TBC1D31: variants seen among roughly 807,000 people sequenced by gnomAD.
TBC1D31 encodes the protein TBC1 domain family member 31.
A neutral mutation model predicts 132.9 loss-of-function variants in TBC1D31; 99 were observed. That is an observed-to-expected ratio of 0.74 (90% confidence interval 0.63 to 0.88). TBC1D31 has a LOEUF of 0.88. TBC1D31 is among the 40% of genes least tolerant of loss of function. The pLI, the probability that TBC1D31 is intolerant of heterozygous loss-of-function variation, is 0.00. For synonymous variants in TBC1D31, 385 were observed against 419.4 expected (o/e 0.92, Z 1.00); for missense variants, 1,134 against 1,256.6 (o/e 0.90, Z 1.48).
chr8:123,077,995 C>T (rs1277150684), intron 2 of TBC1D31, among the ~76,000 whole-genome samples: 2 of 151,846 alleles, frequency 1.3e-5, no homozygotes, highest in African/African-American at 4.8e-5. Flanking sequence ...TTTCAGTGAG[C>T]CGAGATCGTG....
intron 1 of TBC1D31, among the ~76,000 whole-genome samples, chr8:123,076,732 G>C (rs1814553598): frequency 6.6e-6 from 1 of 152,140 alleles, no homozygotes; most frequent in Non-Finnish European, 1.5e-5. Flanking sequence ...CTCATACCCT[G>C]TTGTTATCAC....
intron 6 of TBC1D31, among the ~76,000 whole-genome samples, 161 bp from the exon 7 acceptor site, chr8:123,100,646 A>G (rs1352543431): frequency 6.6e-6 from 1 of 151,954 alleles, no homozygotes; most frequent in Admixed American, 6.6e-5. Context: ...AATTTCCTCT[A>G]GGTGTCCCTC....
chr8:123,144,705 A>G lies in TBC1D31; in HGVS notation c.2836-12A>G. The G allele has an allele frequency of 6.3e-7, 1 of 1,592,840 alleles. No homozygotes were observed. Among genetic ancestry groups the G allele is most frequent in the Non-Finnish European group, 8.5e-7 (1 of 1,174,294 alleles). The stretch of plus-strand genomic sequence containing the variant: ...TTTTATGTAATCTTTTTTTCCATTT[A>G]TTTGAATTTAGTGGAAGGAAGCTGA... On this transcript the variant is annotated splice_polypyrimidine_tract_variant and intron_variant, in intron 19 of 21. Coordinates refer to ENST00000287380, the MANE Select transcript of TBC1D31 (RefSeq NM_145647.4).
Position 123,140,790 on chromosome 8 carries a change from A to G in TBC1D31, c.2529A>G (p.Ala843=), listed in dbSNP as rs1349804649. ...KNLTENQEAL[A]KEMRADADAY... ...TTACTGAAAATCAAGAAGCTCTTGC[A>G]AAAGAAATGCGAGCAGATGCAGATG... is the stretch of plus-strand genomic sequence containing the variant. The change falls in exon 18 of 22, where the codon GCA becomes GCG. Residue 843 remains alanine, a synonymous_variant. Coordinates refer to ENST00000287380, the MANE Select transcript of TBC1D31 (RefSeq NM_145647.4). 3.1e-6 allele frequency: 5 copies of G among 1,607,156 alleles called. No individual in the cohort carries two copies. Among genetic ancestry groups the G allele is most frequent in the Non-Finnish European group, 4.2e-6 (5 of 1,178,442 alleles).
intron 5 of TBC1D31, among the ~76,000 whole-genome samples, chr8:123,094,777 G>T (rs62521771): frequency 0.12 from 18,521 of 152,034 alleles, 1,276 homozygotes; most frequent in African/African-American, 0.14. Context: ...CTGACCTCTG[G>T]TGATCCGCCT....
chr8:123,078,797 T>C (rs1463972856), intron 2 of TBC1D31, among the ~76,000 whole-genome samples: 1 of 152,116 alleles, frequency 6.6e-6, no homozygotes, highest in East Asian at 1.9e-4. Context: ...TTGTAACCAG[T>C]ATACAAACAG....
chr8:123,124,656 AGC>A (rs1456003503), intron 11 of TBC1D31, among the ~76,000 whole-genome samples: 3 of 152,002 alleles, frequency 2.0e-5, no homozygotes, highest in Non-Finnish European at 4.4e-5. Flanking sequence ...GGCTGGGCGC[AGC>A]GGCTCACACC....
At chr8:123,141,812 CTTGG>C (rs1189358903) in intron 18 of TBC1D31, among the ~76,000 whole-genome samples, 8 of 120,966 alleles carry the variant, frequency 6.6e-5, no homozygotes, top group African/African-American at 2.1e-4. Context: ...AGTTCTTAAC[CTTGG>C]CTGTAAATTA....
intron 10 of TBC1D31, among the ~76,000 whole-genome samples, chr8:123,111,053 A>G (rs1050825030): frequency 6.6e-6 from 1 of 151,834 alleles, no homozygotes; most frequent in Non-Finnish European, 1.5e-5. Flanking sequence ...ATTTACTATA[A>G]ACTGGCAGTT....
chr8:123,113,918 T>C (rs1280522334), intron 10 of TBC1D31, among the ~76,000 whole-genome samples: 2 of 152,368 alleles, frequency 1.3e-5, no homozygotes, highest in East Asian at 1.9e-4. Context: ...GCCTTTTTTT[T>C]CTGCTACAAA....
chr8:123,158,488 T>C, the TBC1D31 span, among the ~76,000 whole-genome samples: 3 of 151,344 alleles, frequency 2.0e-5, no homozygotes, highest in Non-Finnish European at 4.4e-5. Flanking sequence ...AAAGGACGAG[T>C]GATGGACAGA....
chr8:123,134,447 A>G (rs1563745251), intron 17 of TBC1D31, among the ~76,000 whole-genome samples: 1 of 152,044 alleles, frequency 6.6e-6, no homozygotes, highest in Non-Finnish European at 1.5e-5. Flanking sequence ...AGATCACTTG[A>G]GCCCTGGAGT....
At chr8:123,141,273 CCT>C (rs1378827877) in intron 18 of TBC1D31, among the ~76,000 whole-genome samples, 2 of 152,050 alleles carry the variant, frequency 1.3e-5, no homozygotes, top group Non-Finnish European at 2.9e-5. Context: ...TGAAATTGTC[CCT>C]GTGTTGATTA....
chr8:123,128,326 A>G lies in TBC1D31; in HGVS notation c.1930A>G (p.Arg644Gly). 6.2e-7 allele frequency: 1 copy of G among 1,613,152 alleles called. No individual in the cohort carries two copies. Among genetic ancestry groups the G allele is most frequent in the Non-Finnish European group, 8.5e-7 (1 of 1,179,240 alleles). ...RNNLDINVVIRQVYHLMETTP... is the reference protein window; with the variant it reads ...RNNLDINVVIGQVYHLMETTP... ...TAACCTGGATATAAATGTTGTGATT[A>G]GACAAGTTTATCATCTCATGGAGAC... The change falls in exon 14 of 22, where the codon AGA becomes GGA. Residue 644 changes from arginine (R) to glycine (G), a missense_variant. Physicochemically the swap from Arg to Gly is moderately radical, Grantham distance 125. Coordinates refer to ENST00000287380, the MANE Select transcript of TBC1D31 (RefSeq NM_145647.4).
intron 20 of TBC1D31, among the ~76,000 whole-genome samples, chr8:123,146,235 T>A (rs1461621131): frequency 6.6e-6 from 1 of 152,194 alleles, no homozygotes; most frequent in African/African-American, 2.4e-5. Flanking sequence ...AAAAATACAC[T>A]TACATAGTCA....
At chr8:123,094,830 T>G (rs1353063168) in intron 5 of TBC1D31, among the ~76,000 whole-genome samples, 1 of 152,180 alleles carries the variant, frequency 6.6e-6, no homozygotes, top group East Asian at 1.9e-4. Flanking sequence ...CGTGAGCCAC[T>G]GCACCCGACC....
chr8:123,123,298 C>T (rs1563728982), intron 11 of TBC1D31: 2 of 155,858 alleles, frequency 1.3e-5, no homozygotes, highest in Non-Finnish European at 1.4e-5. Context: ...ATGGCAAAGG[C>T]AGATTAAGTT....
At chr8:123,129,533 G>A (rs1488736982) in intron 15 of TBC1D31, among the ~76,000 whole-genome samples, 1 of 152,136 alleles carries the variant, frequency 6.6e-6, no homozygotes, top group Non-Finnish European at 1.5e-5. Flanking sequence ...TAGAATGCTA[G>A]GTACATCACC....
chr8:123,120,251 T>C (rs1819341249), intron 11 of TBC1D31, 63 bp downstream of exon 11: 1 of 1,335,632 alleles, frequency 7.5e-7, no homozygotes, highest in Non-Finnish European at 1.0e-6. Context: ...TCCTGATGTC[T>C]TTGCACCTTT....
Sources: allele counts gnomAD v4.1 joint callset (sites outside exome capture counted in the v4.1 genomes callset), GRCh38; gene constraint gnomAD v4.1.1; transcripts MANE v1.5; gene names NCBI Gene and HGNC (gene_info 2026-07-23, HGNC 2026-07-21).